Variants in FADS6 observed in about 807,000 individuals in gnomAD.
FADS6 encodes the protein fatty acid desaturase domain family, member 6.
In FADS6, 28 loss-of-function variants were observed where a neutral mutation model predicts 31.7. The ratio of observed to expected loss-of-function variants is 0.88; its 90% CI spans 0.66 to 1.21. The LOEUF (loss-of-function observed/expected upper bound fraction) is 1.21, where lower values mean the gene tolerates loss of function less well. Ranked by LOEUF, FADS6 falls within the 50% of genes most tolerant of loss-of-function variation. The pLI, the probability that FADS6 is intolerant of heterozygous loss-of-function variation, is 0.00. For synonymous variants in FADS6, 191 were observed against 213.1 expected (o/e 0.90, Z 0.90); for missense variants, 494 against 504.2 (o/e 0.98, Z 0.19).
At chr17:74,883,016 TGTC>T (rs552147752) in intron 2 of FADS6, 1,367 of 532,030 alleles carry the variant, frequency 2.6e-3, no homozygotes, top group Non-Finnish European at 3.4e-3. Flanking sequence ...TCTCAGAGTC[TGTC>T]GTGATTGGAG....
At chr17:74,887,367 C>G (rs1375109337) in intron 2 of FADS6, among the ~76,000 whole-genome samples, 1 of 152,200 alleles carries the variant, frequency 6.6e-6, no homozygotes, top group African/African-American at 2.4e-5. Flanking sequence ...ACCACTGGGC[C>G]TGGCCCACAC....
chr17:74,885,943 C>G (rs568665708), intron 2 of FADS6, among the ~76,000 whole-genome samples: 1 of 152,174 alleles, frequency 6.6e-6, no homozygotes, highest in East Asian at 1.9e-4. Context: ...CACTTGAGGT[C>G]AAGAGTTCAA....
At chr17:74,891,341 G>A (rs2038686976) in intron 2 of FADS6, among the ~76,000 whole-genome samples, 1 of 151,908 alleles carries the variant, frequency 6.6e-6, no homozygotes, top group Non-Finnish European at 1.5e-5. Context: ...CGCAGCCTCA[G>A]TACAGCTTTT....
At chr17:74,879,101 C>T (rs1441805352) in intron 5 of FADS6, 11 of 269,990 alleles carry the variant, frequency 4.1e-5, no homozygotes, top group Non-Finnish European at 6.2e-5. Flanking sequence ...TGCAGTGGCA[C>T]GATTATGGTT....
chr17:74,892,616 G>T lies in FADS6; in HGVS notation c.318C>A (p.Tyr106Ter). The T allele has an allele frequency of 6.2e-7, 1 of 1,613,368 alleles. No individual in the cohort carries two copies. The highest frequency in any genetic ancestry group is 8.5e-7 in the Non-Finnish European group (1 of 1,179,628). ...SGITILGVCHYTLTVKGSHLA... is the reference protein window; with the variant it reads ...SGITILGVCH ...GGTGGCTGCCCTTGACAGTGAGTGT[G>T]TAGTGGCACACACCCAAGATGGTGA... The change falls in exon 2 of 6, where the codon TAC becomes TAA. Residue 106 changes from tyrosine (Y) to a stop codon, truncating the protein, a stop_gained. Coordinates refer to ENST00000612771, the MANE Select transcript of FADS6 (RefSeq NM_178128.6). LOFTEE classifies it high-confidence loss of function.
intron 2 of FADS6, among the ~76,000 whole-genome samples, chr17:74,885,911 T>C (rs2038616854): frequency 6.6e-6 from 1 of 152,082 alleles, no homozygotes; most frequent in Non-Finnish European, 1.5e-5. Flanking sequence ...CCCAGCACTT[T>C]AGGTGGCCAA....
In FADS6 at chr17:74,879,525, C is replaced by T. The variant is rs1359913047; in HGVS notation, c.839G>A (p.Ser280Asn). Residue 280 changes from serine (S) to asparagine (N), a missense_variant, in exon 5 of 6, where the codon AGC becomes AAC. Ser to Asn is a conservative substitution (Grantham distance 46). This residue lies in a region of FADS6 where 454 missense variants were observed against 438.5 expected (regional missense o/e 1.04). Coordinates refer to ENST00000612771, the MANE Select transcript of FADS6 (RefSeq NM_178128.6). The stretch of plus-strand genomic sequence containing the variant: ...CCGGGCCAGGTTAAGCACCCCCAGG[C>T]TCATCATGTGAATCCGACGGGGCTT... ...DNKPRRIHMM[S>N]LGVLNLARLP... is the part of the protein sequence containing the mutation. 2.5e-6 allele frequency: 4 copies of T among 1,613,704 alleles called. No homozygotes were observed. Among genetic ancestry groups the T allele is most frequent in the Non-Finnish European group, 3.4e-6 (4 of 1,179,888 alleles).
intron 2 of FADS6, among the ~76,000 whole-genome samples, chr17:74,890,606 G>A (rs2038679323): frequency 6.6e-6 from 1 of 152,126 alleles, no homozygotes; most frequent in South Asian, 2.1e-4. Context: ...GTCATCGTCA[G>A]CAAATATTGA....
chr17:74,891,112 A>ATTTT (rs72258963), intron 2 of FADS6, among the ~76,000 whole-genome samples: 32 of 123,116 alleles, frequency 2.6e-4, no homozygotes, highest in East Asian at 7.0e-4. Flanking sequence ...TTTCTTTTTG[A>ATTTT]TTTTTTTTTT....
At position 74,878,034 on chromosome 17, in the gene FADS6, G is replaced by A; in HGVS notation, c.*297C>T. ...CTTTAACCCTACCAAGGCTCAGATG[G>A]AGCAGGGGGAAGGACCCAGCTCTTT... On this transcript the variant is annotated 3_prime_UTR_variant, in exon 6 of 6. Coordinates refer to ENST00000612771, the MANE Select transcript of FADS6 (RefSeq NM_178128.6). 8.5e-7 allele frequency: 1 copy of A among 1,170,866 alleles called. No individual in the cohort carries two copies. Among genetic ancestry groups the A allele is most frequent in the Middle Eastern group, 3.5e-4 (1 of 2,848 alleles). 72.5% of individuals were successfully genotyped at this position (1,170,866 alleles called of 1,614,324 possible). A position where few individuals can be genotyped will look rare whatever the true frequency, so the allele number is the denominator to read the frequency against.
intron 2 of FADS6, among the ~76,000 whole-genome samples, chr17:74,891,779 C>T (rs921706730): frequency 3.3e-5 from 5 of 152,196 alleles, no homozygotes; most frequent in Admixed American, 2.0e-4. Context: ...TAATTGGTCA[C>T]AACGACCAGT....
intron 5 of FADS6, 99 bp from the exon 6 acceptor site, chr17:74,878,576 T>A: frequency 7.0e-7 from 1 of 1,431,228 alleles, no homozygotes; most frequent in Non-Finnish European, 9.6e-7. Context: ...CCACCCCCAG[T>A]TCCTATCGGC....
In FADS6 at chr17:74,893,605, G is replaced by GGGTTCCATC. The variant is rs2038720818; in HGVS notation, c.-11_-10insGATGGAACC. 11 of 1,336,174 alleles carry GGGTTCCATC rather than the reference G, an allele frequency of 8.2e-6. No homozygotes were observed. Among genetic ancestry groups the GGGTTCCATC allele is most frequent in the South Asian group, 1.9e-5 (1 of 52,330 alleles). The allele number at this position is 1,336,174 out of a possible 1,614,324, so 82.8% of individuals were successfully genotyped here. ...GCTCCGTGGGTTCCATGGACTCTGT[G>GGGTTCCATC]GGCTCGGGCCCGACGCGCACGGAGG... On this transcript the variant is annotated 5_prime_UTR_variant, in exon 1 of 6. It adds an upstream start codon to the 5' untranslated region. Transcript: ENST00000612771.
At chr17:74,886,484 CTAAAAG>C (rs1457996860) in intron 2 of FADS6, among the ~76,000 whole-genome samples, 10 of 104,684 alleles carry the variant, frequency 9.6e-5, no homozygotes, top group Admixed American at 8.6e-4. Flanking sequence ...AAAAAAAAAA[CTAAAAG>C]AGGAAAATAT....
rs1268535410 is a variant in FADS6 at position 74,893,425 on chromosome 17, C to G, written c.171G>C (p.Arg57Ser). ...CGTGGCGCTCCCACCAGGAGCTCGTCCTCACCACGTCCTGCACCAGCACCT... is the reference window on the plus strand; with the variant it reads ...CGTGGCGCTCCCACCAGGAGCTCGTGCTCACCACGTCCTGCACCAGCACCT... ...ELEVLVQDVV[R>S]TSSWWERHGV... The change falls in exon 1 of 6, where the codon AGG (arginine) becomes AGC (serine). Residue 57 changes from arginine to serine, a missense_variant. This residue lies in a region of FADS6 where 454 missense variants were observed against 438.5 expected (regional missense o/e 1.04). Transcript: ENST00000612771. 1.3e-6 allele frequency: 2 copies of G among 1,572,402 alleles called. No homozygotes were observed. Among genetic ancestry groups the G allele is most frequent in the South Asian group, 2.3e-5 (2 of 85,696 alleles).
At chr17:74,883,824 TG>T (rs1211278750) in intron 2 of FADS6, among the ~76,000 whole-genome samples, 1 of 151,962 alleles carries the variant, frequency 6.6e-6, no homozygotes, top group African/African-American at 2.4e-5. Flanking sequence ...CCCACCACCA[TG>T]CCTGGCTAAT....
At position 74,878,056 on chromosome 17, in the gene FADS6, C is replaced by G; in HGVS notation, c.*275G>C. ...ATGGAGCAGGGGGAAGGACCCAGCT[C>G]TTTAGTCCTGAGATGAAGTTGCTGA... On this transcript the variant is annotated 3_prime_UTR_variant, in exon 6 of 6. Transcript: ENST00000612771. The G allele has an allele frequency of 8.0e-7, 1 of 1,251,370 alleles. No individual in the cohort carries two copies. The highest frequency in any genetic ancestry group is 1.0e-6 in the Non-Finnish European group (1 of 992,940). The allele number at this position is 1,251,370 out of a possible 1,614,324, so 77.5% of individuals were successfully genotyped here. A position where few individuals can be genotyped will look rare whatever the true frequency, so the allele number is the denominator to read the frequency against.
At chr17:74,892,838 G>T in intron 1 of FADS6, 149 bp from the exon 2 acceptor site, 1 of 767,746 alleles carries the variant, frequency 1.3e-6, no homozygotes. Flanking sequence ...TCCCACTGTG[G>T]CCTGAGGGGA....
rs145096183 is a variant in FADS6, at chr17:74,878,426, C to T, written c.1012G>A (p.Glu338Lys). The T allele has an allele frequency of 1.3e-4, 215 of 1,614,022 alleles. No individual in the cohort carries two copies. Among genetic ancestry groups the T allele is most frequent in the Non-Finnish European group, 1.8e-4 (210 of 1,179,888 alleles). Residue 338 changes from glutamate to lysine, a missense_variant, in exon 6 of 6, where the codon GAG becomes AAG. Physicochemically the swap from Glu to Lys is moderately conservative, Grantham distance 56. Coordinates refer to ENST00000612771, the MANE Select transcript of FADS6 (RefSeq NM_178128.6). ...TGGAAGCGAGCCAGGTATGAGTCCT[C>T]GTTGTACGGTAGCTGCTTCTCACGT... ...FLREKQLPYN[E>K]DSYLARFQLF...
Sources: gnomAD v4.1 joint callset for allele counts (sites outside exome capture counted in the v4.1 genomes callset) on GRCh38, gnomAD v4.1.1 for gene constraint, gnomAD v4.1.1 regional missense constraint, MANE v1.5 for transcripts, NCBI Gene and HGNC (gene_info 2026-07-23, HGNC 2026-07-21) for gene names.